The following GRID1 variants were observed in gnomAD, a reference collection of about 807,000 sequenced individuals.
GRID1 encodes the protein glutamate ionotropic receptor delta type subunit 1, also known as glutamate receptor ionotropic, delta-1.
Under a neutral mutation model 98.0 loss-of-function variants are expected in GRID1, and 28 were observed. The ratio of observed to expected loss-of-function variants is 0.29; its 90% CI spans 0.21 to 0.39. GRID1 has a LOEUF of 0.39. Among genes scored for constraint, GRID1 ranks in the 10% least tolerant of loss-of-function variants. The pLI is 1.00. For missense variants in GRID1, 1,111 were observed against 1,340.5 expected, an observed-to-expected ratio of 0.83 and a Z score of 2.67; for synonymous variants, 553 against 538.5, an observed-to-expected ratio of 1.03 and a Z score of -0.37.
chr10:85,843,072 A>G (rs139850889), intron 8 of GRID1, among the ~76,000 whole-genome samples: 94 of 152,152 alleles, frequency 6.2e-4, no homozygotes, highest in Non-Finnish European at 1.2e-3. Flanking sequence ...GGTAATCAAG[A>G]CAGGGTCATA....
At position 85,613,401 on chromosome 10, in the gene GRID1, G is replaced by A. The variant is rs373507947; in HGVS notation, c.2601+6C>T. ...TGAAAGGGAGGGCAGGCCCCAGGGTGCTGACCTCCTTGGGGGTCTCCTGGT... is the reference window on the plus strand; with the variant it reads ...TGAAAGGGAGGGCAGGCCCCAGGGTACTGACCTCCTTGGGGGTCTCCTGGT... On this transcript the variant is annotated splice_donor_region_variant and intron_variant, in intron 15 of 15. Transcript: ENST00000327946. 3 of 1,610,544 alleles carry A rather than the reference G, an allele frequency of 1.9e-6. No homozygotes were observed. Among genetic ancestry groups the A allele is most frequent in the Non-Finnish European group, 1.7e-6 (2 of 1,178,650 alleles).
At chr10:85,646,144 G>C (rs1214228033) in intron 13 of GRID1, 1 of 151,020 alleles carries the variant, frequency 6.6e-6, no homozygotes, top group Non-Finnish European at 1.5e-5. Context: ...GTGTGGCAAG[G>C]TGTTAGTGTG....
At chr10:86,136,470 A>T (rs2131970254) in intron 4 of GRID1, among the ~76,000 whole-genome samples, 1 of 152,324 alleles carries the variant, frequency 6.6e-6, no homozygotes, top group South Asian at 2.1e-4. Flanking sequence ...TGGAGGGAGT[A>T]AAATCCGGAC....
At chr10:86,174,616 G>T (rs1318265202) in intron 3 of GRID1, among the ~76,000 whole-genome samples, 1 of 152,032 alleles carries the variant, frequency 6.6e-6, no homozygotes, top group Non-Finnish European at 1.5e-5. Context: ...AAAAGCAATG[G>T]CAACAAAAGC....
intron 5 of GRID1, among the ~76,000 whole-genome samples, chr10:85,878,971 C>T (rs891311948): frequency 4.0e-5 from 6 of 151,638 alleles, no homozygotes; most frequent in Admixed American, 3.3e-4. Flanking sequence ...GGTTGCAATC[C>T]TAGTCTCTGA....
At chr10:85,878,073 A>G (rs1840927349) in intron 5 of GRID1, among the ~76,000 whole-genome samples, 1 of 152,232 alleles carries the variant, frequency 6.6e-6, no homozygotes, top group African/African-American at 2.4e-5. Context: ...TTAGAGAAAA[A>G]CGAATAAAAA....
chr10:85,650,574 G>A (rs1843255336), intron 12 of GRID1, among the ~76,000 whole-genome samples: 1 of 152,212 alleles, frequency 6.6e-6, no homozygotes, highest in African/African-American at 2.4e-5. Context: ...GATCAGAGAA[G>A]TAAAGCAACA....
chr10:85,774,095 C>G (rs1169459292), intron 8 of GRID1, among the ~76,000 whole-genome samples: 1 of 152,144 alleles, frequency 6.6e-6, no homozygotes, highest in Non-Finnish European at 1.5e-5. Context: ...CTACAGTCAC[C>G]AAAACAGCAT....
chr10:86,081,395 T>C (rs935384357), intron 4 of GRID1, among the ~76,000 whole-genome samples: 3 of 152,162 alleles, frequency 2.0e-5, no homozygotes, highest in Non-Finnish European at 2.9e-5. Context: ...GAATTATTTC[T>C]AGTATCCAAG....
At chr10:85,815,876 A>G (rs1842711688) in intron 8 of GRID1, among the ~76,000 whole-genome samples, 1 of 152,006 alleles carries the variant, frequency 6.6e-6, no homozygotes. Context: ...TTCAACAATA[A>G]AGCAAAACAA....
At chr10:86,340,598 G>C (rs143771714) in intron 2 of GRID1, among the ~76,000 whole-genome samples, 5 of 152,272 alleles carry the variant, frequency 3.3e-5, no homozygotes, top group Admixed American at 3.3e-4. Context: ...AGGGGCCTCC[G>C]GGGGAGTAAG....
At chr10:85,872,511 C>G (rs910276684) in intron 5 of GRID1, among the ~76,000 whole-genome samples, 1 of 152,204 alleles carries the variant, frequency 6.6e-6, no homozygotes, top group Non-Finnish European at 1.5e-5. Flanking sequence ...AAGCAGGACC[C>G]TGGAAATCTG....
intron 14 of GRID1, among the ~76,000 whole-genome samples, chr10:85,617,548 G>A (rs1842806909): frequency 6.6e-6 from 1 of 152,060 alleles, no homozygotes; most frequent in African/African-American, 2.4e-5. Context: ...AGAACCACTG[G>A]CATCAGTAAG....
At chr10:85,999,695 T>G (rs1294940253) in intron 4 of GRID1, among the ~76,000 whole-genome samples, 2 of 152,118 alleles carry the variant, frequency 1.3e-5, no homozygotes, top group African/African-American at 2.4e-5. Context: ...ATACACTATA[T>G]TAATAGTCTA....
Position 86,323,706 on chromosome 10 carries a change from G to A in GRID1, c.235+40235C>T, listed in dbSNP as rs576182778. ...CTTCTCAGGATAATGAAAATGTTCT[G>A]GAATTAGGTAGTGGCAATGGTTGCA... On this transcript the variant is annotated intron_variant, in intron 2 of 15. Transcript: ENST00000327946. Among the ~76,000 whole-genome samples, 3 of 152,290 alleles carry A rather than the reference G, an allele frequency of 2.0e-5. No homozygotes were observed. In the South Asian group the frequency reaches 6.2e-4, roughly 32 times the overall value.
chr10:86,139,740 C>T (rs1054258745), intron 3 of GRID1, among the ~76,000 whole-genome samples: 1 of 152,218 alleles, frequency 6.6e-6, no homozygotes, highest in African/African-American at 2.4e-5. Context: ...AGAGAGAGCC[C>T]ATCCTGGCAC....
At chr10:86,345,178 T>C (rs1462407946) in intron 2 of GRID1, among the ~76,000 whole-genome samples, 7 of 152,224 alleles carry the variant, frequency 4.6e-5, no homozygotes, top group Non-Finnish European at 7.4e-5. Flanking sequence ...GACATCTTCA[T>C]CTTCATGTCT....
At chr10:86,332,712 C>G (rs1848164553) in intron 2 of GRID1, among the ~76,000 whole-genome samples, 1 of 152,132 alleles carries the variant, frequency 6.6e-6, no homozygotes, top group South Asian at 2.1e-4. Context: ...TGAGGCTTCA[C>G]CCAGGTCCCC....
At chr10:86,055,807 C>T (rs1211115453) in intron 4 of GRID1, among the ~76,000 whole-genome samples, 1 of 150,254 alleles carries the variant, frequency 6.7e-6, no homozygotes, top group Admixed American at 6.6e-5. Flanking sequence ...AGAGCCTGTG[C>T]TCTCATTCTC....
Sources: allele counts gnomAD v4.1 joint callset (sites outside exome capture counted in the v4.1 genomes callset), GRCh38; gene constraint gnomAD v4.1.1; transcripts MANE v1.5; gene names NCBI Gene and HGNC (gene_info 2026-07-23, HGNC 2026-07-21).